RNF180: variants seen among roughly 807,000 people sequenced by gnomAD.
RNF180 encodes E3 ubiquitin-protein ligase RNF180.
A neutral mutation model predicts 59.2 loss-of-function variants in RNF180; 38 were observed. That is an observed-to-expected ratio of 0.64 (90% CI 0.50 to 0.84). The LOEUF (loss-of-function observed/expected upper bound fraction) is 0.84, where lower values mean the gene tolerates loss of function less well. Among genes scored for constraint, RNF180 ranks in the 40% least tolerant of loss-of-function variants. The pLI is 0.00. For synonymous variants in RNF180, 262 were observed against 240.3 expected (o/e 1.09, Z -0.84); for missense variants, 705 against 700.9 (o/e 1.01, Z -0.07).
chr5:64,174,552 AC>A (rs1160144153), intron 1 of RNF180, among the ~76,000 whole-genome samples: 1 of 152,026 alleles, frequency 6.6e-6, no homozygotes, highest in Non-Finnish European at 1.5e-5. Flanking sequence ...ATTTATATTT[AC>A]CAAACAGTTA....
At chr5:64,265,731 A>T (rs1318623214) in intron 5 of RNF180, among the ~76,000 whole-genome samples, 1 of 152,100 alleles carries the variant, frequency 6.6e-6, no homozygotes, top group African/African-American at 2.4e-5. Flanking sequence ...TGCCATATGA[A>T]ATTTAAAGTA....
intron 5 of RNF180, among the ~76,000 whole-genome samples, chr5:64,270,206 A>G (rs1741311220): frequency 6.6e-6 from 1 of 150,576 alleles, no homozygotes; most frequent in South Asian, 2.1e-4. Flanking sequence ...AGACTACCGT[A>G]ATTGATAACT....
intron 6 of RNF180, among the ~76,000 whole-genome samples, chr5:64,327,379 T>C (rs1010517898): frequency 2.0e-5 from 3 of 152,136 alleles, no homozygotes; most frequent in Admixed American, 6.6e-5. Flanking sequence ...CATCATTAGG[T>C]CATTTATTTG....
At chr5:64,172,679 A>G (rs1750004231) in intron 1 of RNF180, among the ~76,000 whole-genome samples, 2 of 152,162 alleles carry the variant, frequency 1.3e-5, no homozygotes, top group Non-Finnish European at 2.9e-5. Flanking sequence ...TATGTAGATG[A>G]AATACTCTTA....
chr5:64,313,132 A>G (rs991815889), intron 5 of RNF180, among the ~76,000 whole-genome samples: 13 of 152,270 alleles, frequency 8.5e-5, no homozygotes, highest in African/African-American at 3.1e-4. Context: ...TTATACATAT[A>G]GCCTGAAGGT....
intron 5 of RNF180, among the ~76,000 whole-genome samples, chr5:64,304,612 T>A (rs1335743197): frequency 6.6e-6 from 1 of 151,644 alleles, no homozygotes; most frequent in Admixed American, 6.6e-5. Flanking sequence ...ATTGCTACAA[T>A]CTCATGATAC....
intron 5 of RNF180, among the ~76,000 whole-genome samples, chr5:64,312,485 A>C (rs543008721): frequency 6.6e-6 from 1 of 152,238 alleles, no homozygotes; most frequent in East Asian, 1.9e-4. Context: ...TAGCAATGAA[A>C]ATAAGAGAAA....
intron 7 of RNF180, among the ~76,000 whole-genome samples, chr5:64,332,540 C>A (rs1744951902): frequency 6.6e-6 from 1 of 152,008 alleles, no homozygotes; most frequent in Admixed American, 6.5e-5. Context: ...CCTCACCTAA[C>A]TAATATAGTA....
At chr5:64,262,657 A>G (rs1226034909) in intron 5 of RNF180, among the ~76,000 whole-genome samples, 2 of 152,206 alleles carry the variant, frequency 1.3e-5, no homozygotes, top group African/African-American at 2.4e-5. Context: ...AGTGCCACTG[A>G]TGAATGAGAA....
At chr5:64,303,408 G>A (rs979835821) in intron 5 of RNF180, among the ~76,000 whole-genome samples, 3 of 151,618 alleles carry the variant, frequency 2.0e-5, no homozygotes, top group African/African-American at 7.3e-5. Context: ...GATATCCTAG[G>A]CCTCTTGCAC....
At chr5:64,178,385 A>AAT (rs1750376771) in intron 1 of RNF180, among the ~76,000 whole-genome samples, 1 of 152,156 alleles carries the variant, frequency 6.6e-6, no homozygotes, top group Non-Finnish European at 1.5e-5. Flanking sequence ...GAGAGCCTTG[A>AAT]TGTAGCAGTC....
intron 7 of RNF180, among the ~76,000 whole-genome samples, chr5:64,341,902 A>T (rs1253477619): frequency 6.6e-6 from 1 of 152,182 alleles, no homozygotes; most frequent in Non-Finnish European, 1.5e-5. Flanking sequence ...CACAGTAGCA[A>T]AAGGTAGCTC....
At chr5:64,222,661 T>C (rs1035730064) in intron 5 of RNF180, among the ~76,000 whole-genome samples, 4 of 152,174 alleles carry the variant, frequency 2.6e-5, no homozygotes, top group Non-Finnish European at 5.9e-5. Flanking sequence ...ATTCCAAACT[T>C]CTGGAAGGAA....
intron 7 of RNF180, among the ~76,000 whole-genome samples, chr5:64,339,015 T>G (rs947675773): frequency 3.3e-5 from 5 of 152,106 alleles, no homozygotes; most frequent in Non-Finnish European, 7.4e-5. Context: ...TTCCTAAGTT[T>G]ATATATCTTT....
intron 5 of RNF180, among the ~76,000 whole-genome samples, chr5:64,252,395 A>G (rs1743639503): frequency 6.6e-6 from 1 of 152,216 alleles, no homozygotes; most frequent in Non-Finnish European, 1.5e-5. Context: ...TAGTTAATAA[A>G]TTGTATTTTT....
At chr5:64,180,184 T>C (rs1054129514) in intron 1 of RNF180, among the ~76,000 whole-genome samples, 1 of 152,216 alleles carries the variant, frequency 6.6e-6, no homozygotes, top group Non-Finnish European at 1.5e-5. Context: ...ATTAATTTTG[T>C]CTTTTCTTAT....
chr5:64,311,992 C>T (rs143623171), intron 5 of RNF180, among the ~76,000 whole-genome samples: 3 of 151,922 alleles, frequency 2.0e-5, no homozygotes, highest in Admixed American at 6.6e-5. Context: ...TACACGTATG[C>T]GAGAGTTGCA....
chr5:64,189,915 A>G (rs75908457), intron 1 of RNF180, among the ~76,000 whole-genome samples: 6 of 152,332 alleles, frequency 3.9e-5, no homozygotes, highest in Non-Finnish European at 5.9e-5. Flanking sequence ...CCATAGGCCT[A>G]TCTGGCTATG....
chr5:64,298,486 A>G (rs1743006446), intron 5 of RNF180, among the ~76,000 whole-genome samples: 1 of 151,968 alleles, frequency 6.6e-6, no homozygotes, highest in Non-Finnish European at 1.5e-5. Flanking sequence ...TCTTATAGCT[A>G]TGTCTTACTC....
Sources: allele counts gnomAD v4.1 joint callset (sites outside exome capture counted in the v4.1 genomes callset), GRCh38; gene constraint gnomAD v4.1.1; transcripts MANE v1.5; gene names NCBI Gene and HGNC (gene_info 2026-07-23, HGNC 2026-07-21).